CEP250: variants seen among roughly 807,000 people sequenced by gnomAD.
CEP250 encodes centrosome-associated protein CEP250.
In CEP250, 242 loss-of-function variants were observed where a neutral mutation model predicts 315.7. The observed-to-expected ratio is 0.77, with a 90% CI of 0.69 to 0.85. The LOEUF (loss-of-function observed/expected upper bound fraction) is 0.85. Among genes scored for constraint, CEP250 ranks in the 40% least tolerant of loss-of-function variants. The pLI, the probability that CEP250 is intolerant of heterozygous loss-of-function variation, is 0.00. For synonymous variants in CEP250, 1,088 were observed against 1,175.0 expected (o/e 0.93, Z 1.51); for missense variants, 2,515 against 2,886.4 (o/e 0.87, Z 2.95).
chr20:35,498,594 G>A lies in CEP250; in HGVS notation c.3656-1G>A, dbSNP rs1269419137. 4 of 1,603,688 alleles carry A rather than the reference G, an allele frequency of 2.5e-6. No individual in the cohort carries two copies. Among genetic ancestry groups the A allele is most frequent in the Non-Finnish European group, 2.5e-6 (3 of 1,177,248 alleles). ...TAAGGAGGTTTTCCTCATTTTTTCA[G>A]ACCAGAATGGAGCTAGGAGCCTCTT... On this transcript the variant is annotated splice_acceptor_variant, in intron 26 of 34. Transcript: ENST00000397527. LOFTEE classifies it high-confidence loss of function.
rs1211033619 is a variant in CEP250 at position 35,479,784 on chromosome 20, A to G, written c.2416+11A>G. 6.2e-7 allele frequency: 1 copy of G among 1,614,050 alleles called. No homozygotes were observed. The highest frequency in any genetic ancestry group is 8.5e-7 in the Non-Finnish European group (1 of 1,180,024). On this transcript the variant is annotated intron_variant, in intron 19 of 34. Coordinates refer to ENST00000397527, the MANE Select transcript of CEP250 (RefSeq NM_007186.6). ...AGGAAGTAATCCAAGGTGAGAACCC[A>G]ACTGGGATGGGATGCACTCCATTCC...
rs1489650250 is a variant in CEP250, at chr20:35,496,710, G to T, written c.3301G>T (p.Ala1101Ser). The T allele has an allele frequency of 1.2e-6, 2 of 1,612,988 alleles. No individual in the cohort carries two copies. The highest frequency in any genetic ancestry group is 1.3e-5 in the African/African-American group (1 of 74,948). Residue 1101 changes from alanine to serine, a missense_variant, in exon 25 of 35, where the codon GCT (alanine) becomes TCT (serine). Coordinates refer to ENST00000397527, the MANE Select transcript of CEP250 (RefSeq NM_007186.6). ...EAQGEQKELS[A>S]QMELLRQEVK... ...CCAGGGAGAACAGAAAGAGCTCAGT[G>T]CTCAGGTACTTCCCACTCTGGTTAT... is the stretch of plus-strand genomic sequence containing the variant.
intron 25 of CEP250, among the ~76,000 whole-genome samples, chr20:35,497,079 C>A (rs2063859518): frequency 6.6e-6 from 1 of 152,162 alleles, no homozygotes; most frequent in South Asian, 2.1e-4. Context: ...ATCAGGCAGG[C>A]AGCAGCAAGA....
Position 35,466,216 on chromosome 20 carries a change from G to A in CEP250, c.492+12G>A, listed in dbSNP as rs756657396. 2.5e-5 allele frequency: 39 copies of A among 1,570,876 alleles called. No homozygotes were observed. In the Admixed American group the frequency reaches 5.2e-4, roughly 21 times the overall value. ...AGATGGAGCAGGAGGTAGGAAGAAC[G>A]GGGACTGGAACTGTGAGAGGAAGCC... On this transcript the variant is annotated intron_variant, in intron 7 of 34. Transcript: ENST00000397527.
chr20:35,511,931 T>C lies in CEP250; in HGVS notation c.*305T>C. ...ATTTTCCTAGCACTTCACCACCTCC[T>C]TCATCTTCTCCTTCAACAATAAACC... is the stretch of plus-strand genomic sequence containing the variant. On this transcript the variant is annotated 3_prime_UTR_variant, in exon 35 of 35. Coordinates refer to ENST00000397527, the MANE Select transcript of CEP250 (RefSeq NM_007186.6). 8.6e-7 allele frequency: 1 copy of C among 1,164,062 alleles called. No individual in the cohort carries two copies. The allele number at this position is 1,164,062 out of a possible 1,614,324, so 72.1% of individuals were successfully genotyped here. A position where few individuals can be genotyped will look rare whatever the true frequency, so the allele number is the denominator to read the frequency against.
chr20:35,476,380 G>A (rs1257055760), intron 15 of CEP250, 69 bp from the exon 16 acceptor site: 1 of 1,448,678 alleles, frequency 6.9e-7, no homozygotes, highest in African/African-American at 1.4e-5. Flanking sequence ...GCAGTGTTGG[G>A]AATGTGAACT....
chr20:35,503,135 C>T lies in CEP250; in HGVS notation c.4766C>T (p.Ala1589Val). 6.2e-7 allele frequency: 1 copy of T among 1,614,112 alleles called. No individual in the cohort carries two copies. Among genetic ancestry groups the T allele is most frequent in the South Asian group, 1.1e-5 (1 of 91,074 alleles). The change falls in exon 30 of 35, where the codon GCT becomes GTT. Residue 1589 changes from alanine to valine, a missense_variant. Coordinates refer to ENST00000397527, the MANE Select transcript of CEP250 (RefSeq NM_007186.6). The surrounding 1 kb of genome is among the most constrained non-coding windows in gnomAD (Gnocchi z 4.2). ...GGCCAGAGGGAAACCCAGAGAGTGG[C>T]TTTGACCCACCTTACGCTGGACCTA... ...LEGQRETQRV[A>V]LTHLTLDLEE...
In CEP250 at chr20:35,504,159, G is replaced by A. The variant is rs761574175; in HGVS notation, c.5790G>A (p.Gln1930=). ...ETRALQDSWL[Q]AQAVLKERDQ... ...GGGCCCTGCAGGACAGCTGGCTGCA[G>A]GCCCAGGCAGTGCTCAAGGAACGGG... Residue 1930 remains glutamine (Q), a synonymous_variant, in exon 30 of 35, where the codon CAG becomes CAA. Coordinates refer to ENST00000397527, the MANE Select transcript of CEP250 (RefSeq NM_007186.6). The A allele has an allele frequency of 1.7e-5, 27 of 1,613,960 alleles. No individual in the cohort carries two copies. The highest frequency in any genetic ancestry group is 1.9e-5 in the Non-Finnish European group (23 of 1,180,000).
chr20:35,502,628 A>G lies in CEP250; in HGVS notation c.4259A>G (p.Gln1420Arg). Residue 1420 changes from glutamine (Q) to arginine (R), a missense_variant, in exon 30 of 35, where the codon CAA (glutamine) becomes CGA (arginine). Gln to Arg is a conservative substitution (Grantham distance 43). Coordinates refer to ENST00000397527, the MANE Select transcript of CEP250 (RefSeq NM_007186.6). ...ELKVAQGKAL[Q>R]ENLALLTQTL... ...AAGGTGGCCCAAGGGAAGGCTCTGC[A>G]AGAGAATTTGGCCCTCCTGACCCAG... 1 of 1,614,282 alleles carries G rather than the reference A, an allele frequency of 6.2e-7. No homozygotes were observed. The highest frequency in any genetic ancestry group is 8.5e-7 in the Non-Finnish European group (1 of 1,180,058).
In CEP250 at chr20:35,474,020, G is replaced by A; in HGVS notation, c.1539G>A (p.Glu513=). ...GCCAGAAGGAGGAACAGCAGGAGGA[G>A]CTGCACCTGGCTGTCCGGGAGAGGG... The part of the protein sequence containing the change: ...AQGQKEEQQE[E]LHLAVRERER... Residue 513 remains glutamate, a synonymous_variant, in exon 14 of 35, where the codon GAG becomes GAA. Coordinates refer to ENST00000397527, the MANE Select transcript of CEP250 (RefSeq NM_007186.6). 1.3e-6 allele frequency: 2 copies of A among 1,588,278 alleles called. No homozygotes were observed. The highest frequency in any genetic ancestry group is 1.7e-6 in the Non-Finnish European group (2 of 1,170,144).
intron 30 of CEP250, among the ~76,000 whole-genome samples, chr20:35,507,145 T>C (rs1447236598): frequency 1.1e-4 from 17 of 152,218 alleles, no homozygotes; most frequent in Admixed American, 2.6e-4. Flanking sequence ...GCAACCCACA[T>C]CCACCTGCGT....
At chr20:35,508,214 G>T in intron 32 of CEP250, 24 bp downstream of exon 32, 1 of 1,612,590 alleles carries the variant, frequency 6.2e-7, no homozygotes, top group Non-Finnish European at 8.5e-7. Context: ...TTGTCCAGTG[G>T]GCATGCATCT....
Position 35,502,952 on chromosome 20 carries a change from T to C in CEP250, c.4583T>C (p.Leu1528Pro). The change falls in exon 30 of 35, where the codon CTT becomes CCT. Residue 1528 changes from leucine to proline, a missense_variant. Leu to Pro is a moderately conservative substitution (Grantham distance 98). Coordinates refer to ENST00000397527, the MANE Select transcript of CEP250 (RefSeq NM_007186.6). ...CAGAGGAACGTCTTGGAGCATCAGC[T>C]TCTAGAACTTGAGAAGAAAGACCAA... Reference protein sequence around the residue: ...ETQRNVLEHQLLELEKKDQMI... With the variant: ...ETQRNVLEHQPLELEKKDQMI... The C allele has an allele frequency of 6.2e-7, 1 of 1,614,154 alleles. No homozygotes were observed. Among genetic ancestry groups the C allele is most frequent in the South Asian group, 1.1e-5 (1 of 91,080 alleles).
chr20:35,462,223 A>G lies in CEP250; in HGVS notation c.-103-42A>G, dbSNP rs565441185. ...TTCTGAGGAGTCTTGTGTGTAGTAAAAGAACAGTCCTTTCCATTTGACTAT... is the reference window on the plus strand; with the variant it reads ...TTCTGAGGAGTCTTGTGTGTAGTAAGAGAACAGTCCTTTCCATTTGACTAT... On this transcript the variant is annotated intron_variant, in intron 3 of 34. Coordinates refer to ENST00000397527, the MANE Select transcript of CEP250 (RefSeq NM_007186.6). 48 of 623,584 alleles carry G rather than the reference A, an allele frequency of 7.7e-5. No homozygotes were observed. In the South Asian group the frequency reaches 1.0e-3, roughly 13 times the overall value. 38.6% of individuals were successfully genotyped at this position (623,584 alleles called of 1,614,324 possible). A position where few individuals can be genotyped will look rare whatever the true frequency, so the allele number is the denominator to read the frequency against.
intron 21 of CEP250, 37 bp downstream of exon 21, chr20:35,490,841 C>A: frequency 6.2e-7 from 1 of 1,604,336 alleles, no homozygotes; most frequent in South Asian, 1.1e-5. Context: ...CACGTCCAGT[C>A]AGCGATCTCC....
chr20:35,473,668 A>G (rs2063086558), intron 13 of CEP250, 116 bp downstream of exon 13: 12 of 1,167,120 alleles, frequency 1.0e-5, no homozygotes, highest in Non-Finnish European at 1.1e-5. Flanking sequence ...TCTCCTTGAG[A>G]CTCAGGGCTG....
At chr20:35,501,344 G>T (rs2063996067) in intron 28 of CEP250, among the ~76,000 whole-genome samples, 1 of 151,840 alleles carries the variant, frequency 6.6e-6, no homozygotes, top group African/African-American at 2.4e-5. Context: ...CTCAAAAAAA[G>T]AAAAAAAGAG....
Position 35,497,722 on chromosome 20 carries a change from G to A in CEP250, c.3310G>A (p.Glu1104Lys). 1.3e-6 allele frequency: 2 copies of A among 1,545,178 alleles called. No homozygotes were observed. Among genetic ancestry groups the A allele is most frequent in the Non-Finnish European group, 1.8e-6 (2 of 1,142,726 alleles). Reference protein sequence around the residue: ...GEQKELSAQMELLRQEVKEKE... With the variant: ...GEQKELSAQMKLLRQEVKEKE... ...ATGTAAAATTCTTCCTTGACAGATGGAATTACTAAGGCAAGAGGTGAAGGA... is the reference window on the plus strand; with the variant it reads ...ATGTAAAATTCTTCCTTGACAGATGAAATTACTAAGGCAAGAGGTGAAGGA... The change falls in exon 26 of 35, where the codon GAA becomes AAA. Residue 1104 changes from glutamate to lysine, a missense_variant. By Grantham distance (56) the Glu-to-Lys change is moderately conservative (BLOSUM62 1). Coordinates refer to ENST00000397527, the MANE Select transcript of CEP250 (RefSeq NM_007186.6).
chr20:35,504,234 G>A lies in CEP250; in HGVS notation c.5865G>A (p.Gln1955=), dbSNP rs772816124. The A allele has an allele frequency of 6.2e-7, 1 of 1,606,466 alleles. No homozygotes were observed. The highest frequency in any genetic ancestry group is 1.3e-5 in the African/African-American group (1 of 74,940). ...CAGAAAGTCAGTCCTCCCGGCATCA[G>A]GAGGAGGCTGCCCGGGCCCGGGCTG... The part of the protein sequence containing the change: ...LRAESQSSRH[Q]EEAARARAEA... Residue 1955 remains glutamine, a synonymous_variant, in exon 30 of 35, where the codon CAG becomes CAA. Coordinates refer to ENST00000397527, the MANE Select transcript of CEP250 (RefSeq NM_007186.6).
Sources: gnomAD v4.1 joint callset for allele counts (sites outside exome capture counted in the v4.1 genomes callset) on GRCh38, gnomAD v4.1.1 for gene constraint, Gnocchi (gnomAD v3.1) non-coding constraint, MANE v1.5 for transcripts, NCBI Gene and HGNC (gene_info 2026-07-23, HGNC 2026-07-21) for gene names.